The following RALGAPA2 variants were observed in gnomAD, a reference collection of about 807,000 sequenced individuals.
RALGAPA2 encodes the protein ral GTPase-activating protein subunit alpha-2.
In RALGAPA2, 139 loss-of-function variants were observed where a neutral mutation model predicts 230.4. The ratio of observed to expected loss-of-function variants is 0.60; its 90% CI spans 0.53 to 0.69. RALGAPA2 has a LOEUF of 0.69. RALGAPA2 is among the 30% of genes least tolerant of loss of function. The pLI, the probability that RALGAPA2 is intolerant of heterozygous loss-of-function variation, is 0.00. For missense variants in RALGAPA2, 2,163 were observed against 2,276.0 expected, an observed-to-expected ratio of 0.95 and a Z score of 1.01; for synonymous variants, 847 against 837.8, an observed-to-expected ratio of 1.01 and a Z score of -0.19.
chr20:20,409,034 C>T (rs937766282), intron 38 of RALGAPA2, among the ~76,000 whole-genome samples: 2 of 152,114 alleles, frequency 1.3e-5, no homozygotes, highest in Non-Finnish European at 2.9e-5. Flanking sequence ...ATGCCGAGCG[C>T]TCATATATTA....
chr20:20,572,921 G>A lies in RALGAPA2; in HGVS notation c.2855C>T (p.Ala952Val). 1 of 1,567,622 alleles carries A rather than the reference G, an allele frequency of 6.4e-7. No homozygotes were observed. Reference sequence around the variant, plus strand: ...TTCATAGAGATAGCAGAAAACTCTGGCATGGATCTTGGGTGACTGGATGTT... The same window carrying A: ...TTCATAGAGATAGCAGAAAACTCTGACATGGATCTTGGGTGACTGGATGTT... ...VNNIQSPKIH[A>V]RVFCYLYELW... is the part of the protein sequence containing the mutation. Residue 952 changes from alanine (A) to valine (V), a missense_variant, in exon 21 of 40, where the codon GCC becomes GTC. Transcript: ENST00000202677.
chr20:20,488,047 C>A (rs1236725986), intron 36 of RALGAPA2, among the ~76,000 whole-genome samples: 1 of 152,096 alleles, frequency 6.6e-6, no homozygotes, highest in Non-Finnish European at 1.5e-5. Flanking sequence ...ATGCCAAAAT[C>A]CAAGCATACT....
At chr20:20,603,243 T>A (rs772685527) in intron 15 of RALGAPA2, among the ~76,000 whole-genome samples, 1 of 152,244 alleles carries the variant, frequency 6.6e-6, no homozygotes, top group Non-Finnish European at 1.5e-5. Context: ...TACATTGGGA[T>A]TAAACTGTTC....
At chr20:20,582,527 G>A (rs896003266) in intron 20 of RALGAPA2, among the ~76,000 whole-genome samples, 13 of 151,742 alleles carry the variant, frequency 8.6e-5, no homozygotes, top group African/African-American at 1.5e-4. Context: ...TGACACACAC[G>A]GTAAAACTAT....
At chr20:20,556,069 G>A (rs951294628) in intron 23 of RALGAPA2, among the ~76,000 whole-genome samples, 1 of 152,082 alleles carries the variant, frequency 6.6e-6, no homozygotes, top group Admixed American at 6.5e-5. Context: ...CTTGTTTGGT[G>A]GCAAACAAGC....
chr20:20,506,620 A>C (rs959379245), intron 33 of RALGAPA2, among the ~76,000 whole-genome samples: 7 of 152,186 alleles, frequency 4.6e-5, no homozygotes, highest in Admixed American at 4.6e-4. Flanking sequence ...CATTCTGATA[A>C]ATCTCATAGG....
At position 20,712,379 on chromosome 20, in the gene RALGAPA2, C is replaced by A; in HGVS notation, c.102G>T (p.Leu34=). 6.5e-7 allele frequency: 1 copy of A among 1,547,972 alleles called. No individual in the cohort carries two copies. Among genetic ancestry groups the A allele is most frequent in the East Asian group, 2.5e-5 (1 of 40,586 alleles). ...CGCGCCCGGCGCGCGCCTCACCCAG[C>A]AGCGCCCGCAGGTGCTTCAGGCGGG... The part of the protein sequence containing the change: ...VLTRLKHLRA[L]LDNVDANDLK... The change falls in exon 1 of 40, where the codon CTG becomes CTT. Residue 34 remains leucine (L), a synonymous_variant. Coordinates refer to ENST00000202677, the MANE Select transcript of RALGAPA2 (RefSeq NM_020343.4). This position sits in a 1 kb window ranked among gnomAD's most constrained non-coding sequence, Gnocchi z 5.5.
intron 37 of RALGAPA2, among the ~76,000 whole-genome samples, chr20:20,447,263 T>C (rs2060885549): frequency 6.6e-6 from 1 of 152,200 alleles, no homozygotes; most frequent in Non-Finnish European, 1.5e-5. Context: ...AAGATGCATT[T>C]CATTTGTTAA....
chr20:20,537,934 T>G (rs915517415), intron 24 of RALGAPA2, among the ~76,000 whole-genome samples: 1 of 152,206 alleles, frequency 6.6e-6, no homozygotes, highest in Non-Finnish European at 1.5e-5. Context: ...AAGCAGCTTT[T>G]CAGTGTCATA....
chr20:20,405,146 T>C (rs2122709245), intron 38 of RALGAPA2, among the ~76,000 whole-genome samples: 1 of 152,252 alleles, frequency 6.6e-6, no homozygotes, highest in South Asian at 2.1e-4. Context: ...ACGAGGCAAG[T>C]TTTCATTCTC....
At chr20:20,653,985 A>T (rs1394697378) in intron 3 of RALGAPA2, among the ~76,000 whole-genome samples, 1 of 152,162 alleles carries the variant, frequency 6.6e-6, no homozygotes, top group African/African-American at 2.4e-5. Context: ...TAGTCTCTGG[A>T]CAAAGAACAG....
Position 20,393,119 on chromosome 20 carries a change from G to A in RALGAPA2, c.*170C>T. On this transcript the variant is annotated 3_prime_UTR_variant, in exon 40 of 40. Coordinates refer to ENST00000202677, the MANE Select transcript of RALGAPA2 (RefSeq NM_020343.4). ...GTCCACTAATGGGAAGACCTGCTGA[G>A]GGCACTAGTACAGCAACGAAATTTC... 1 of 1,359,998 alleles carries A rather than the reference G, an allele frequency of 7.4e-7. No individual in the cohort carries two copies. The highest frequency in any genetic ancestry group is 1.2e-5 in the South Asian group (1 of 86,120). 84.2% of individuals were successfully genotyped at this position (1,359,998 alleles called of 1,614,324 possible).
intron 15 of RALGAPA2, among the ~76,000 whole-genome samples, chr20:20,602,522 G>T (rs1001181768): frequency 1.3e-5 from 2 of 152,228 alleles, no homozygotes; most frequent in African/African-American, 4.8e-5. Flanking sequence ...GCACAGGTAT[G>T]ATGTGGCCAG....
chr20:20,418,461 C>T (rs1478686187), intron 37 of RALGAPA2, among the ~76,000 whole-genome samples: 1 of 152,158 alleles, frequency 6.6e-6, no homozygotes, highest in Non-Finnish European at 1.5e-5. Flanking sequence ...GACGTGCGTG[C>T]TTGCAGGCTG....
intron 5 of RALGAPA2, among the ~76,000 whole-genome samples, chr20:20,641,688 G>T (rs977387788): frequency 6.6e-6 from 1 of 151,536 alleles, no homozygotes. Context: ...AGCAAAAGAG[G>T]TTGAAAAAAT....
chr20:20,528,497 G>A (rs2063286002), intron 27 of RALGAPA2, among the ~76,000 whole-genome samples: 1 of 152,142 alleles, frequency 6.6e-6, no homozygotes, highest in African/African-American at 2.4e-5. Flanking sequence ...ACAGCTGGCA[G>A]GACTCAAAGC....
At chr20:20,554,793 C>T (rs538035131) in intron 23 of RALGAPA2, among the ~76,000 whole-genome samples, 10 of 152,168 alleles carry the variant, frequency 6.6e-5, no homozygotes, top group East Asian at 5.8e-4. Flanking sequence ...CATGAGCCAC[C>T]GTGCCTGGCT....
intron 1 of RALGAPA2, among the ~76,000 whole-genome samples, chr20:20,696,445 C>A (rs988710141): frequency 3.3e-5 from 5 of 152,150 alleles, no homozygotes; most frequent in Non-Finnish European, 7.4e-5. Context: ...TATGAGGGAA[C>A]CACATTGATT....
intron 3 of RALGAPA2, among the ~76,000 whole-genome samples, chr20:20,657,122 T>C (rs989093983): frequency 3.4e-4 from 52 of 152,160 alleles, no homozygotes; most frequent in African/African-American, 1.2e-3. Flanking sequence ...ATGGAGGAGA[T>C]AGGAGTACAA....
Sources: gnomAD v4.1 joint callset for allele counts (sites outside exome capture counted in the v4.1 genomes callset) on GRCh38, gnomAD v4.1.1 for gene constraint, Gnocchi (gnomAD v3.1) non-coding constraint, MANE v1.5 for transcripts, NCBI Gene and HGNC (gene_info 2026-07-23, HGNC 2026-07-21) for gene names.